The following CDH9 variants were observed in gnomAD, a reference collection of about 807,000 sequenced individuals.
The protein encoded by CDH9 is cadherin 9, also known as cadherin-9.
CDH9 carries 28 observed loss-of-function variants against 70.9 expected under a neutral mutation model. The observed-to-expected ratio is 0.40, with a 90% CI of 0.29 to 0.54. The LOEUF is 0.54. Ranked by LOEUF, CDH9 falls within the 20% of genes least tolerant of loss-of-function variation. CDH9 has a pLI of 0.59. For synonymous variants in CDH9, 409 were observed against 343.1 expected, an observed-to-expected ratio of 1.19 and a Z score of -2.12; for missense variants, 874 against 984.4, an observed-to-expected ratio of 0.89 and a Z score of 1.50.
At chr5:26,894,624 A>T (rs943818195) in intron 7 of CDH9, among the ~76,000 whole-genome samples, 30 of 152,054 alleles carry the variant, frequency 2.0e-4, no homozygotes, top group African/African-American at 7.2e-4. Flanking sequence ...TAGCAGCCAA[A>T]CTTCTATTTT....
At chr5:26,907,136 C>A (rs1561190764) in intron 3 of CDH9, among the ~76,000 whole-genome samples, 1 of 151,908 alleles carries the variant, frequency 6.6e-6, no homozygotes, top group Non-Finnish European at 1.5e-5. Context: ...TGTTTTAGGG[C>A]AAACATTCTT....
intron 2 of CDH9, among the ~76,000 whole-genome samples, chr5:26,953,784 T>C (rs1415597551): frequency 6.6e-6 from 1 of 152,178 alleles, no homozygotes; most frequent in Admixed American, 6.5e-5. Context: ...ACCTGAATTA[T>C]TTCAATGGCT....
intron 2 of CDH9, among the ~76,000 whole-genome samples, chr5:26,959,308 C>T (rs771194602): frequency 6.6e-6 from 1 of 151,990 alleles, no homozygotes; most frequent in Non-Finnish European, 1.5e-5. Context: ...AATTGAGATA[C>T]CACTCCACAG....
chr5:27,038,007 A>G (rs1020216800), intron 1 of CDH9, among the ~76,000 whole-genome samples: 5 of 151,982 alleles, frequency 3.3e-5, no homozygotes, highest in Non-Finnish European at 7.4e-5. Context: ...ATTAATAAAG[A>G]TGCCCTTATT....
intron 2 of CDH9, among the ~76,000 whole-genome samples, chr5:26,948,175 T>G (rs1741786173): frequency 6.6e-6 from 1 of 152,194 alleles, no homozygotes; most frequent in Non-Finnish European, 1.5e-5. Flanking sequence ...TAATGTAGAT[T>G]GTTTATGAAT....
intron 1 of CDH9, among the ~76,000 whole-genome samples, chr5:27,006,645 T>G (rs2112111029): frequency 6.6e-6 from 1 of 152,272 alleles, no homozygotes; most frequent in South Asian, 2.1e-4. Context: ...GTCAGCTCCC[T>G]TAACTGTACC....
chr5:26,920,236 G>C (rs1741220825), intron 2 of CDH9, among the ~76,000 whole-genome samples: 3 of 151,818 alleles, frequency 2.0e-5, no homozygotes, highest in African/African-American at 7.3e-5. Context: ...GGCAGTACTT[G>C]TCATGGGCCT....
intron 1 of CDH9, among the ~76,000 whole-genome samples, chr5:27,014,785 T>G (rs537537612): frequency 2.1e-4 from 32 of 151,904 alleles, no homozygotes; most frequent in Non-Finnish European, 4.1e-4. Context: ...CCTTCTCTTG[T>G]TTCACTGTTT....
chr5:26,971,071 G>A (rs1438712102), intron 2 of CDH9, among the ~76,000 whole-genome samples: 2 of 152,122 alleles, frequency 1.3e-5, no homozygotes, highest in East Asian at 1.9e-4. Context: ...GTCCTATGAA[G>A]TTCCTTTTGA....
intron 2 of CDH9, among the ~76,000 whole-genome samples, chr5:26,932,499 T>A (rs1409076666): frequency 6.6e-6 from 1 of 152,126 alleles, no homozygotes; most frequent in Non-Finnish European, 1.5e-5. Flanking sequence ...AGTGCATGCA[T>A]GTTAAGAATT....
intron 2 of CDH9, among the ~76,000 whole-genome samples, chr5:26,985,616 C>A (rs1291148654): frequency 6.6e-6 from 1 of 152,100 alleles, no homozygotes; most frequent in Admixed American, 6.6e-5. Flanking sequence ...TGTTGTCTAT[C>A]ATTTTCTATG....
chr5:26,915,376 G>A lies in CDH9; in HGVS notation c.523+254C>T, dbSNP rs1741130585. Among the ~76,000 whole-genome samples the A allele has an allele frequency of 1.3e-5, 2 of 151,936 alleles. 1 individual carries two copies. The highest frequency in any genetic ancestry group is 4.1e-4 in the South Asian group (2 of 4,830). ...TTGACTGCCATTTGAATGCCAGTTA[G>A]TAGAGTTGAGGGTATTGATTGAAAT... On this transcript the variant is annotated intron_variant, in intron 3 of 11. Coordinates refer to ENST00000231021, the MANE Select transcript of CDH9 (RefSeq NM_016279.4).
chr5:26,961,073 T>C (rs1742027237), intron 2 of CDH9, among the ~76,000 whole-genome samples: 1 of 152,060 alleles, frequency 6.6e-6, no homozygotes, highest in South Asian at 2.1e-4. Context: ...GATTGCCCAT[T>C]TCTCAGGCCA....
intron 1 of CDH9, among the ~76,000 whole-genome samples, chr5:26,994,331 A>G (rs893125464): frequency 1.3e-5 from 2 of 152,116 alleles, no homozygotes; most frequent in African/African-American, 4.8e-5. Flanking sequence ...GTAGACTATT[A>G]TAGACTAAAT....
At chr5:27,035,400 T>C (rs1743374389) in intron 1 of CDH9, among the ~76,000 whole-genome samples, 1 of 151,594 alleles carries the variant, frequency 6.6e-6, no homozygotes, top group African/African-American at 2.4e-5. Context: ...ATATGCAAGA[T>C]ACAGAGAAAG....
chr5:26,995,777 T>G (rs746411746), intron 1 of CDH9, among the ~76,000 whole-genome samples: 13 of 152,154 alleles, frequency 8.5e-5, no homozygotes, highest in Non-Finnish European at 1.8e-4. Context: ...TTGTCAGCAT[T>G]AAATGCTTTG....
chr5:26,999,904 A>G (rs1291397235), intron 1 of CDH9, among the ~76,000 whole-genome samples: 3 of 152,158 alleles, frequency 2.0e-5, no homozygotes, highest in African/African-American at 7.2e-5. Context: ...AAAATGCTGA[A>G]GAATATCTTA....
chr5:26,989,487 T>G (rs1210360253), intron 1 of CDH9, among the ~76,000 whole-genome samples: 1 of 150,132 alleles, frequency 6.7e-6, no homozygotes, highest in African/African-American at 2.5e-5. Flanking sequence ...GCTTGAGTAT[T>G]ATATTCTCTC....
rs1740957458 is a variant in CDH9 at position 26,906,826 on chromosome 5, A to G, written c.536T>C (p.Ile179Thr). The change falls in exon 4 of 12, where the codon ATA (isoleucine) becomes ACA (threonine). Residue 179 changes from isoleucine (I) to threonine (T), a missense_variant. Ile to Thr is a moderately conservative substitution (Grantham distance 89). Transcript: ENST00000231021. ...ATCTGCATCTGTTGCAGTTACTTGT[A>G]TAACAGATGTACCTACATGAAACCC... Reference protein sequence around the residue: ...PEMSGVGTSVIQVTATDADDA... With the variant: ...PEMSGVGTSVTQVTATDADDA... 6 of 1,611,008 alleles carry G rather than the reference A, an allele frequency of 3.7e-6. No individual in the cohort carries two copies. The highest frequency in any genetic ancestry group is 1.3e-5 in the African/African-American group (1 of 75,000).
Sources: allele counts gnomAD v4.1 joint callset (sites outside exome capture counted in the v4.1 genomes callset), GRCh38; gene constraint gnomAD v4.1.1; transcripts MANE v1.5; gene names NCBI Gene and HGNC (gene_info 2026-07-23, HGNC 2026-07-21).